Variants in DNAH7 observed in about 807,000 individuals in gnomAD.
DNAH7 encodes axonemal beta dynein heavy chain 7.
A neutral mutation model predicts 444.6 loss-of-function variants in DNAH7; 397 were observed. That is an observed-to-expected ratio of 0.89 (90% CI 0.82 to 0.97). The LOEUF (loss-of-function observed/expected upper bound fraction) is 0.97. DNAH7 is among the 50% of genes least tolerant of loss of function. The probability of loss-of-function intolerance (pLI) is 0.00; values close to 1 mark genes in which losing one functional copy is unlikely to be tolerated. For synonymous variants in DNAH7, 1,636 were observed against 1,624.4 expected (o/e 1.01, Z -0.17); for missense variants, 4,902 against 4,800.8 (o/e 1.02, Z -0.62).
intron 9 of DNAH7, among the ~76,000 whole-genome samples, chr2:196,017,141 A>G (rs912067739): frequency 1.4e-4 from 21 of 152,024 alleles, no homozygotes; most frequent in African/African-American, 5.1e-4. Flanking sequence ...CAGCCTCCCA[A>G]GTAGCTGGGA....
intron 57 of DNAH7, among the ~76,000 whole-genome samples, chr2:195,789,997 T>C (rs1695802674): frequency 6.6e-6 from 1 of 152,168 alleles, no homozygotes; most frequent in South Asian, 2.1e-4. Flanking sequence ...AAAATCAATG[T>C]ACAAAAATGA....
intron 14 of DNAH7, 93 bp downstream of exon 14, chr2:195,986,973 G>A (rs774489430): frequency 5.9e-5 from 66 of 1,120,164 alleles, no homozygotes; most frequent in Non-Finnish European, 1.8e-5. Context: ...ATCATTTATG[G>A]CATTGCTTTA....
chr2:195,940,992 T>C (rs949650006), intron 19 of DNAH7, among the ~76,000 whole-genome samples: 7 of 152,062 alleles, frequency 4.6e-5, no homozygotes, highest in African/African-American at 1.7e-4. Context: ...GGATCAGAAA[T>C]ACCATTTGAC....
intron 1 of DNAH7, among the ~76,000 whole-genome samples, chr2:196,061,053 C>A (rs1026390960): frequency 4.6e-5 from 7 of 152,060 alleles, no homozygotes; most frequent in Non-Finnish European, 1.0e-4. Flanking sequence ...CTAAATCAAG[C>A]TAATTAACAT....
intron 10 of DNAH7, among the ~76,000 whole-genome samples, chr2:196,003,362 T>A (rs1439616454): frequency 6.6e-6 from 1 of 152,094 alleles, no homozygotes; most frequent in East Asian, 1.9e-4. Context: ...TAAGTTTAGG[T>A]CTGCAGAACT....
Position 195,806,756 on chromosome 2 carries a change from C to G in DNAH7, c.10160G>C (p.Cys3387Ser). ...NEFQRMLIIRCLRPDKVIPML... is the reference protein window; with the variant it reads ...NEFQRMLIIRSLRPDKVIPML... ...CACATTTACCTTGTCTGGCCTCAAGCAACGAATAATAAGCATCCTTTGAAA... is the reference window on the plus strand; with the variant it reads ...CACATTTACCTTGTCTGGCCTCAAGGAACGAATAATAAGCATCCTTTGAAA... The change falls in exon 54 of 65, where the codon TGC becomes TCC. Residue 3387 changes from cysteine to serine, a missense_variant. Cys to Ser is a moderately radical substitution (Grantham distance 112, BLOSUM62 -1). Coordinates refer to ENST00000312428, the MANE Select transcript of DNAH7 (RefSeq NM_018897.3). 6.2e-7 allele frequency: 1 copy of G among 1,613,516 alleles called. No homozygotes were observed. The highest frequency in any genetic ancestry group is 2.2e-5 in the East Asian group (1 of 44,818).
At chr2:196,058,901 CAG>C (rs1559378558) in intron 1 of DNAH7, among the ~76,000 whole-genome samples, 2 of 152,154 alleles carry the variant, frequency 1.3e-5, no homozygotes, top group Non-Finnish European at 2.9e-5. Context: ...AACAAATTGG[CAG>C]ACTCACACTT....
At chr2:195,792,265 C>G (rs1422973411) in intron 57 of DNAH7, among the ~76,000 whole-genome samples, 1 of 150,702 alleles carries the variant, frequency 6.6e-6, no homozygotes, top group African/African-American at 2.4e-5. Flanking sequence ...GGGTACTATG[C>G]TCACTACCTG....
chr2:195,940,850 A>G (rs926174665), intron 19 of DNAH7, among the ~76,000 whole-genome samples: 11 of 152,236 alleles, frequency 7.2e-5, no homozygotes, highest in Admixed American at 6.5e-4. Flanking sequence ...TAGAATGCCA[A>G]TCATTAAAAA....
rs1694052658 is a variant in DNAH7 at position 196,001,780 on chromosome 2, T to C, written c.1068A>G (p.Lys356=). 6.2e-7 allele frequency: 1 copy of C among 1,613,508 alleles called. No individual in the cohort carries two copies. The highest frequency in any genetic ancestry group is 1.7e-5 in the Admixed American group (1 of 59,948). Residue 356 remains lysine (K), a synonymous_variant, in exon 11 of 65, where the codon AAA becomes AAG. Coordinates refer to ENST00000312428, the MANE Select transcript of DNAH7 (RefSeq NM_018897.3). The stretch of plus-strand genomic sequence containing the variant: ...CAGCACAGTTGAAAAAAGATTCCAA[T>C]TTGGCACTGCTGTCACCAGTTGGCA... ...KQLPTGDSSA[K]LESFFNCAAA... is the part of the protein sequence containing the mutation.
chr2:195,936,313 G>A (rs1033766536), intron 20 of DNAH7, among the ~76,000 whole-genome samples: 3 of 152,150 alleles, frequency 2.0e-5, no homozygotes, highest in African/African-American at 7.2e-5. Flanking sequence ...GGCGGAGGTT[G>A]CAGTGAGCCA....
chr2:196,042,272 T>C (rs1441791794), intron 5 of DNAH7, among the ~76,000 whole-genome samples: 1 of 152,006 alleles, frequency 6.6e-6, no homozygotes, highest in Non-Finnish European at 1.5e-5. Context: ...AAAATAAGTA[T>C]ATCAAAGAGT....
intron 49 of DNAH7, among the ~76,000 whole-genome samples, chr2:195,819,315 G>A (rs920524713): frequency 6.6e-6 from 1 of 152,154 alleles, no homozygotes; most frequent in East Asian, 1.9e-4. Flanking sequence ...TCCCAGACCA[G>A]AATGAAAGTA....
At chr2:196,021,796 T>G (rs568234823) in intron 8 of DNAH7, among the ~76,000 whole-genome samples, 2 of 151,512 alleles carry the variant, frequency 1.3e-5, no homozygotes, top group Non-Finnish European at 2.9e-5. Context: ...CACTCCAACC[T>G]GGGAAACAAA....
rs1328336843 is a variant in DNAH7, at chr2:195,864,403, C to T, written c.7252G>A (p.Ala2418Thr). 1 of 1,614,182 alleles carries T rather than the reference C, an allele frequency of 6.2e-7. No individual in the cohort carries two copies. Among genetic ancestry groups the T allele is most frequent in the South Asian group, 1.1e-5 (1 of 91,088 alleles). The change falls in exon 41 of 65, where the codon GCT (alanine) becomes ACT (threonine). Residue 2418 changes from alanine (A) to threonine (T), a missense_variant. Ala to Thr is a moderately conservative substitution (Grantham distance 58). Transcript: ENST00000312428. ...FLEDVSNLLN[A>T]GEIPNLFALD... ...GCAAAGAGATTTGGAATCTCCCCAG[C>T]ATTTAGCAGATTACTGACATCTTCC...
intron 8 of DNAH7, among the ~76,000 whole-genome samples, chr2:196,022,967 T>G (rs900316942): frequency 5.3e-5 from 8 of 152,148 alleles, no homozygotes; most frequent in African/African-American, 1.9e-4. Flanking sequence ...ATGCTGAGGT[T>G]TGGGGAACAG....
chr2:195,743,737 G>T (rs768736450), intron 63 of DNAH7, among the ~76,000 whole-genome samples: 1 of 152,308 alleles, frequency 6.6e-6, no homozygotes, highest in East Asian at 1.9e-4. Flanking sequence ...TAAGTAGGAA[G>T]GAAAAAGCTA....
At chr2:195,781,277 T>C (rs182015939) in intron 58 of DNAH7, among the ~76,000 whole-genome samples, 2 of 151,766 alleles carry the variant, frequency 1.3e-5, no homozygotes, top group African/African-American at 4.8e-5. Flanking sequence ...GTAAATGAGG[T>C]AGAGGTGGAT....
chr2:195,909,986 T>C (rs1687259749), intron 25 of DNAH7, 41 bp downstream of exon 25: 1 of 1,542,960 alleles, frequency 6.5e-7, no homozygotes, highest in Admixed American at 1.8e-5. Context: ...CCATCTCTGA[T>C]CAGTTATCCT....
Sources: gnomAD v4.1 joint callset for allele counts (sites outside exome capture counted in the v4.1 genomes callset) on GRCh38, gnomAD v4.1.1 for gene constraint, MANE v1.5 for transcripts, NCBI Gene and HGNC (gene_info 2026-07-23, HGNC 2026-07-21) for gene names.